Variants in SCCPDH observed in about 807,000 individuals in gnomAD.
SCCPDH encodes the protein saccharopine dehydrogenase (putative), also known as saccharopine dehydrogenase-like oxidoreductase.
Under a neutral mutation model 51.5 loss-of-function variants are expected in SCCPDH, and 34 were observed. That is an observed-to-expected ratio of 0.66 (90% CI 0.50 to 0.88). SCCPDH has a LOEUF of 0.88. Ranked by LOEUF, SCCPDH falls within the 40% of genes least tolerant of loss-of-function variation. The pLI is 0.00. For missense variants in SCCPDH, 464 were observed against 527.1 expected (o/e 0.88, Z 1.17); for synonymous variants, 187 against 191.3 (o/e 0.98, Z 0.19).
Position 246,759,076 on chromosome 1 carries a change from T to C in SCCPDH, c.738T>C (p.Ile246=). Residue 246 remains isoleucine (I), a synonymous_variant, in exon 7 of 12, where the codon ATT becomes ATC. Coordinates refer to ENST00000366510, the MANE Select transcript of SCCPDH (RefSeq NM_016002.3). ...SYCRELKGYS[I]PFMGSDVSVV... The stretch of plus-strand genomic sequence containing the variant: ...GTCGGGAACTCAAAGGTTATTCCAT[T>C]CCTTTTATGGGATCTGATGTGTCTG... The C allele has an allele frequency of 6.2e-7, 1 of 1,612,396 alleles. No homozygotes were observed.
At chr1:246,759,190 T>A in intron 7 of SCCPDH, 39 bp downstream of exon 7, 1 of 1,083,810 alleles carries the variant, frequency 9.2e-7, no homozygotes, top group South Asian at 1.3e-5. Flanking sequence ...AAGTGTGTGT[T>A]ACAGTTCCTC....
At chr1:246,739,475 G>A (rs188431093) in intron 3 of SCCPDH, among the ~76,000 whole-genome samples, 1 of 152,268 alleles carries the variant, frequency 6.6e-6, no homozygotes, top group East Asian at 1.9e-4. Flanking sequence ...CGAAGGAGAC[G>A]TAACAACCGA....
At chr1:246,752,585 C>A (rs1218141703) in intron 5 of SCCPDH, among the ~76,000 whole-genome samples, 1 of 152,068 alleles carries the variant, frequency 6.6e-6, no homozygotes, top group Non-Finnish European at 1.5e-5. Flanking sequence ...TAGGGTATTG[C>A]TTTCTCTTTT....
intron 2 of SCCPDH, among the ~76,000 whole-genome samples, chr1:246,728,758 T>TCTAC (rs1160816735): frequency 2.0e-5 from 3 of 152,174 alleles, no homozygotes; most frequent in Non-Finnish European, 2.9e-5. Flanking sequence ...ACCAGATCTA[T>TCTAC]CTACCTACCT....
At chr1:246,758,898 C>T in intron 6 of SCCPDH, 136 bp from the exon 7 acceptor site, 1 of 702,368 alleles carries the variant, frequency 1.4e-6, no homozygotes, top group Non-Finnish European at 2.6e-6. Context: ...AAGTGATCCT[C>T]CTGCCTCGGC....
chr1:246,759,023 C>G lies in SCCPDH; in HGVS notation c.696-11C>G. The G allele has an allele frequency of 7.2e-7, 1 of 1,395,634 alleles. No homozygotes were observed. The allele number at this position is 1,395,634 out of a possible 1,614,324, so 86.5% of individuals were successfully genotyped here. ...CAGGAAATGCAAAATATTCATAGGTCTGTCTTGCAGGTGGCCAATTTCTTA... is the reference window on the plus strand; with the variant it reads ...CAGGAAATGCAAAATATTCATAGGTGTGTCTTGCAGGTGGCCAATTTCTTA... On this transcript the variant is annotated splice_polypyrimidine_tract_variant and intron_variant, in intron 6 of 11. Coordinates refer to ENST00000366510, the MANE Select transcript of SCCPDH (RefSeq NM_016002.3).
rs1668541953 is a variant in SCCPDH, at chr1:246,734,669, G to C, written c.304-1306G>C. On this transcript the variant is annotated intron_variant, in intron 2 of 11. Coordinates refer to ENST00000366510, the MANE Select transcript of SCCPDH (RefSeq NM_016002.3). ...CCCATCTGACCTATTTGTAAAGGTC[G>C]ATTGTGTCTTTTAAGTGTCCCTTGT... is the stretch of plus-strand genomic sequence containing the variant. Among the ~76,000 whole-genome samples, 3 of 152,166 alleles carry C rather than the reference G, an allele frequency of 2.0e-5. No individual in the cohort carries two copies. In the South Asian group the frequency reaches 6.2e-4, roughly 32 times the overall value.
At chr1:246,732,836 T>G (rs553011516) in intron 2 of SCCPDH, among the ~76,000 whole-genome samples, 2 of 152,330 alleles carry the variant, frequency 1.3e-5, no homozygotes, top group South Asian at 4.1e-4. Context: ...AAGTGAGTGT[T>G]GTTATTCATC....
At chr1:246,746,256 G>A (rs920334219) in intron 5 of SCCPDH, among the ~76,000 whole-genome samples, 34 of 152,252 alleles carry the variant, frequency 2.2e-4, no homozygotes, top group Admixed American at 1.2e-3. Context: ...CACGTGAGAG[G>A]ATCGTGATTG....
intron 5 of SCCPDH, among the ~76,000 whole-genome samples, chr1:246,754,162 G>A (rs575701559): frequency 2.0e-5 from 3 of 152,128 alleles, no homozygotes; most frequent in South Asian, 2.1e-4. Context: ...CCCGACCACC[G>A]AGGAAACGCT....
rs1411165456 is a variant in SCCPDH, at chr1:246,744,450, C to G, written c.564+325C>G. 8.1e-4 allele frequency among the ~76,000 whole-genome samples: 124 copies of G among 152,180 alleles called. 3 individuals carry two copies. Among genetic ancestry groups the G allele is most frequent in the Non-Finnish European group, 1.3e-4 (9 of 68,006 alleles). Reference sequence around the variant, plus strand: ...TCTCCTGCCTCAGCCTCCCAAGTAGCTGGGATTACAGGCATGTACCACCAC... The same window carrying G: ...TCTCCTGCCTCAGCCTCCCAAGTAGGTGGGATTACAGGCATGTACCACCAC... On this transcript the variant is annotated intron_variant, in intron 5 of 11. Coordinates refer to ENST00000366510, the MANE Select transcript of SCCPDH (RefSeq NM_016002.3).
At chr1:246,747,923 CAG>C (rs1015673765) in intron 5 of SCCPDH, among the ~76,000 whole-genome samples, 32 of 152,262 alleles carry the variant, frequency 2.1e-4, no homozygotes, top group Admixed American at 9.2e-4. Context: ...GAACAAAGAA[CAG>C]GGGAGCGGAA....
intron 2 of SCCPDH, among the ~76,000 whole-genome samples, chr1:246,734,640 G>A (rs562648255): frequency 3.9e-5 from 6 of 152,174 alleles, no homozygotes; most frequent in Non-Finnish European, 7.3e-5. Flanking sequence ...AGGTAAGAGG[G>A]CAGCCCATCT....
intron 9 of SCCPDH, among the ~76,000 whole-genome samples, chr1:246,763,606 T>TTTTA (rs1669049307): frequency 6.6e-6 from 1 of 152,174 alleles, no homozygotes; most frequent in African/African-American, 2.4e-5. Flanking sequence ...TGCCTGTATG[T>TTTTA]TTTAGTTCAT....
chr1:246,744,114 T>G lies in SCCPDH; in HGVS notation c.553T>G (p.Ser185Ala), dbSNP rs1558170075. The change falls in exon 5 of 12, where the codon TCA becomes GCA. Residue 185 changes from serine (S) to alanine (A), a missense_variant. Physicochemically the swap from Ser to Ala is moderately conservative, Grantham distance 99. Coordinates refer to ENST00000366510, the MANE Select transcript of SCCPDH (RefSeq NM_016002.3). The stretch of plus-strand genomic sequence containing the variant: ...TGTGGAAAGTTTCCTGACTATACAT[T>G]CAGGACCTGAGGTTGGTTTTTTGGT... ...TAVESFLTIH[S>A]GPEGLSIHDG... 1 of 1,601,872 alleles carries G rather than the reference T, an allele frequency of 6.2e-7. No homozygotes were observed. The highest frequency in any genetic ancestry group is 8.5e-7 in the Non-Finnish European group (1 of 1,171,218).
chr1:246,745,222 C>G (rs1355875982), intron 5 of SCCPDH, among the ~76,000 whole-genome samples: 1 of 152,192 alleles, frequency 6.6e-6, no homozygotes, highest in African/African-American at 2.4e-5. Context: ...AAGACAGTTG[C>G]ATTTCTGGGA....
intron 2 of SCCPDH, among the ~76,000 whole-genome samples, chr1:246,728,603 T>C (rs1668438108): frequency 6.6e-6 from 1 of 152,250 alleles, no homozygotes; most frequent in African/African-American, 2.4e-5. Flanking sequence ...TCCTGCTCTC[T>C]GAAGCAGCTC....
At chr1:246,759,175 C>T (rs1051190069) in intron 7 of SCCPDH, 24 bp downstream of exon 7, 1 of 1,199,454 alleles carries the variant, frequency 8.3e-7, no homozygotes, top group Admixed American at 1.7e-5. Context: ...GTTTATTTAT[C>T]AATAAAGTGT....
intron 2 of SCCPDH, among the ~76,000 whole-genome samples, chr1:246,733,911 A>G (rs1282082882): frequency 6.6e-6 from 1 of 152,148 alleles, no homozygotes; most frequent in African/African-American, 2.4e-5. Flanking sequence ...ACAGAGGGAA[A>G]TCCTATCAGT....
Sources: gnomAD v4.1 joint callset for allele counts (sites outside exome capture counted in the v4.1 genomes callset) on GRCh38, gnomAD v4.1.1 for gene constraint, MANE v1.5 for transcripts, NCBI Gene and HGNC (gene_info 2026-07-23, HGNC 2026-07-21) for gene names.